Variants in GMDS observed in about 807,000 individuals in gnomAD.
The protein encoded by GMDS is GDP-mannose 4,6 dehydratase.
In GMDS, 20 loss-of-function variants were observed where a neutral mutation model predicts 49.9. That is an observed-to-expected ratio of 0.40 (90% CI 0.28 to 0.58). The LOEUF (loss-of-function observed/expected upper bound fraction) is 0.58. GMDS is among the 20% of genes least tolerant of loss of function. GMDS has a pLI of 0.42. For synonymous variants in GMDS, 177 were observed against 178.6 expected (o/e 0.99, Z 0.07); for missense variants, 362 against 481.4 (o/e 0.75, Z 2.32).
At chr6:1,727,275 T>C (rs1766628675) in intron 8 of GMDS, among the ~76,000 whole-genome samples, 1 of 152,238 alleles carries the variant, frequency 6.6e-6, no homozygotes, top group African/African-American at 2.4e-5. Context: ...CTATGCAGGA[T>C]GAGCTCATAT....
chr6:2,068,499 T>C (rs1180381951), intron 4 of GMDS, among the ~76,000 whole-genome samples: 2 of 152,180 alleles, frequency 1.3e-5, no homozygotes, highest in Admixed American at 1.3e-4. Flanking sequence ...GATGACATGA[T>C]TGTATACCTA....
At chr6:2,046,296 C>G (rs900875610) in intron 4 of GMDS, among the ~76,000 whole-genome samples, 5 of 152,198 alleles carry the variant, frequency 3.3e-5, no homozygotes, top group African/African-American at 1.2e-4. Context: ...CAAAAGCTGA[C>G]AGATTTCTGA....
chr6:2,007,635 C>A (rs899888706), intron 4 of GMDS, among the ~76,000 whole-genome samples: 1 of 151,736 alleles, frequency 6.6e-6, no homozygotes, highest in African/African-American at 2.4e-5. Flanking sequence ...CATGTGCAAC[C>A]TTCCAGTTCT....
chr6:2,108,087 G>C (rs1365837416), intron 4 of GMDS, among the ~76,000 whole-genome samples: 1 of 152,116 alleles, frequency 6.6e-6, no homozygotes, highest in Non-Finnish European at 1.5e-5. Flanking sequence ...GTTATCTTCA[G>C]AGACCCAATA....
At chr6:1,868,491 A>G (rs1758553259) in intron 7 of GMDS, among the ~76,000 whole-genome samples, 1 of 152,224 alleles carries the variant, frequency 6.6e-6, no homozygotes, top group Non-Finnish European at 1.5e-5. Context: ...AGACTGCCTC[A>G]CATTCAGGGA....
intron 7 of GMDS, among the ~76,000 whole-genome samples, chr6:1,798,744 G>GTGACCCAATAACAGTGAT: frequency 6.6e-6 from 1 of 152,162 alleles, no homozygotes; most frequent in African/African-American, 2.4e-5. Context: ...TGTTTTGCCA[G>GTGACCCAATAACAGTGAT]TGCCTCCCTT....
chr6:2,193,885 A>G (rs983813971), intron 1 of GMDS, among the ~76,000 whole-genome samples: 3 of 151,728 alleles, frequency 2.0e-5, no homozygotes, highest in Non-Finnish European at 2.9e-5. Flanking sequence ...CACCACGCCC[A>G]GCTAATTTTT....
At chr6:1,933,167 C>T (rs1762374711) in intron 6 of GMDS, among the ~76,000 whole-genome samples, 1 of 152,164 alleles carries the variant, frequency 6.6e-6, no homozygotes, top group African/African-American at 2.4e-5. Flanking sequence ...TTTTAGTTAG[C>T]ATAACATTTT....
intron 1 of GMDS, among the ~76,000 whole-genome samples, chr6:2,158,660 G>C (rs906873227): frequency 1.3e-5 from 2 of 152,184 alleles, no homozygotes; most frequent in African/African-American, 4.8e-5. Context: ...TGTTTATCAA[G>C]ATATTTGGTC....
intron 6 of GMDS, among the ~76,000 whole-genome samples, chr6:1,950,457 G>A (rs924435784): frequency 1.8e-4 from 27 of 152,152 alleles, no homozygotes; most frequent in African/African-American, 5.3e-4. Context: ...GACTTGGCTC[G>A]TGAATCAGTG....
intron 9 of GMDS, among the ~76,000 whole-genome samples, chr6:1,671,700 G>C (rs1261843927): frequency 7.4e-6 from 1 of 134,354 alleles, no homozygotes; most frequent in Non-Finnish European, 1.5e-5. Context: ...GAATCTCACT[G>C]TGTCGCCAGG....
At chr6:1,966,616 C>T (rs914130995) in intron 4 of GMDS, among the ~76,000 whole-genome samples, 11 of 152,176 alleles carry the variant, frequency 7.2e-5, no homozygotes, top group African/African-American at 2.4e-4. Context: ...TGTCATCACT[C>T]AGTCCGAGGT....
chr6:1,701,510 A>T (rs1765543357), intron 9 of GMDS, among the ~76,000 whole-genome samples: 1 of 152,106 alleles, frequency 6.6e-6, no homozygotes, highest in Non-Finnish European at 1.5e-5. Context: ...TTCAGTCCTT[A>T]ATTAGGGCAG....
intron 9 of GMDS, among the ~76,000 whole-genome samples, chr6:1,638,916 G>A (rs1289604364): frequency 6.6e-6 from 1 of 152,178 alleles, no homozygotes; most frequent in Non-Finnish European, 1.5e-5. Context: ...CTTAGCTCAT[G>A]AGTCTGGATA....
Position 1,624,485 on chromosome 6 carries a change from C to G in GMDS, c.1043G>C (p.Arg348Pro). Reference sequence around the variant, plus strand: ...AGAGATACTCACATCGAAAGCGACCCGGGGCTTCCAGTTCAGCTTCTGTTT... The same window carrying G: ...AGAGATACTCACATCGAAAGCGACCGGGGGCTTCCAGTTCAGCTTCTGTTT... ...KAKQKLNWKP[R>P]VAFDELVREM... The change falls in exon 10 of 11, where the codon CGG becomes CCG. Residue 348 changes from arginine to proline, a missense_variant. Physicochemically the swap from Arg to Pro is moderately radical, Grantham distance 103. Coordinates refer to ENST00000380815, the MANE Select transcript of GMDS (RefSeq NM_001500.4). 1 of 1,613,674 alleles carries G rather than the reference C, an allele frequency of 6.2e-7. No homozygotes were observed. The highest frequency in any genetic ancestry group is 8.5e-7 in the Non-Finnish European group (1 of 1,179,646).
intron 4 of GMDS, among the ~76,000 whole-genome samples, chr6:1,980,264 A>C (rs1302482644): frequency 6.6e-6 from 1 of 152,188 alleles, no homozygotes. Context: ...GGATAAAAAA[A>C]CAAGACCCAT....
intron 1 of GMDS, among the ~76,000 whole-genome samples, chr6:2,147,389 A>G (rs1724784522): frequency 1.3e-5 from 2 of 152,312 alleles, no homozygotes; most frequent in African/African-American, 4.8e-5. Context: ...CCCTAATTTC[A>G]GCAGTACGTG....
intron 9 of GMDS, among the ~76,000 whole-genome samples, chr6:1,685,612 T>C (rs899831130): frequency 6.6e-6 from 1 of 152,166 alleles, no homozygotes; most frequent in Admixed American, 6.5e-5. Context: ...TGCCCATGGA[T>C]TCCCAGATTG....
chr6:1,725,802 C>A (rs550225881), intron 9 of GMDS, among the ~76,000 whole-genome samples: 3 of 152,228 alleles, frequency 2.0e-5, no homozygotes, highest in African/African-American at 7.2e-5. Context: ...GACATGTAAA[C>A]AAATGATTAT....
Sources: allele counts gnomAD v4.1 joint callset (sites outside exome capture counted in the v4.1 genomes callset), GRCh38; gene constraint gnomAD v4.1.1; transcripts MANE v1.5; gene names NCBI Gene and HGNC (gene_info 2026-07-23, HGNC 2026-07-21).